The following FAXDC2 variants were observed in gnomAD, a reference collection of about 807,000 sequenced individuals.
FAXDC2 encodes the protein fatty acid hydroxylase domain-containing protein 2.
A neutral mutation model predicts 40.9 loss-of-function variants in FAXDC2; 41 were observed. That is an observed-to-expected ratio of 1.00 (90% CI 0.78 to 1.30). The LOEUF (loss-of-function observed/expected upper bound fraction) is 1.30, where lower values mean the gene tolerates loss of function less well. Ranked by LOEUF, FAXDC2 falls within the 50% of genes most tolerant of loss-of-function variation. The pLI, the probability that FAXDC2 is intolerant of heterozygous loss-of-function variation, is 0.00. For missense variants in FAXDC2, 390 were observed against 408.8 expected (o/e 0.95, Z 0.40); for synonymous variants, 157 against 149.3 (o/e 1.05, Z -0.38).
At chr5:154,826,854 T>G (rs1760051231) in intron 5 of FAXDC2, among the ~76,000 whole-genome samples, 1 of 152,106 alleles carries the variant, frequency 6.6e-6, no homozygotes, top group Admixed American at 6.5e-5. Flanking sequence ...ATAGGAAAAA[T>G]GTATAGATGC....
Position 154,820,239 on chromosome 5 carries a change from A to G in FAXDC2, c.*77T>C. 7.8e-7 allele frequency: 1 copy of G among 1,288,328 alleles called. No homozygotes were observed. Among genetic ancestry groups the G allele is most frequent in the Non-Finnish European group, 1.1e-6 (1 of 932,384 alleles). 79.8% of individuals were successfully genotyped at this position (1,288,328 alleles called of 1,614,324 possible). A position where few individuals can be genotyped will look rare whatever the true frequency, so the allele number is the denominator to read the frequency against. On this transcript the variant is annotated 3_prime_UTR_variant, in exon 9 of 9. Coordinates refer to ENST00000326080, the MANE Select transcript of FAXDC2 (RefSeq NM_032385.5). The stretch of plus-strand genomic sequence containing the variant: ...TTAGGGCGTGTGGCCGAAGGAGGCA[A>G]ATTGTTAGGTGCAATCAGGAAGCCG...
intron 5 of FAXDC2, chr5:154,824,416 C>T: frequency 1.4e-6 from 1 of 690,848 alleles, no homozygotes; most frequent in Non-Finnish European, 2.6e-6. Flanking sequence ...GATTTCTGCC[C>T]CAAAGCGCGA....
At chr5:154,820,668 T>C (rs899234667) in intron 8 of FAXDC2, 196 bp from the exon 9 acceptor site, 4 of 487,770 alleles carry the variant, frequency 8.2e-6, no homozygotes, top group Non-Finnish European at 1.5e-5. Flanking sequence ...ACCTGCAATT[T>C]GCCGTATCTG....
intron 4 of FAXDC2, 39 bp downstream of exon 4, chr5:154,834,586 G>A (rs370048188): frequency 2.3e-6 from 3 of 1,294,550 alleles, no homozygotes; most frequent in Non-Finnish European, 3.4e-6. Context: ...TTATAATCAT[G>A]CACCCACATG....
chr5:154,838,045 G>A, intron 2 of FAXDC2, 86 bp downstream of exon 2: 1 of 872,472 alleles, frequency 1.1e-6, no homozygotes, highest in Non-Finnish European at 1.9e-6. Flanking sequence ...CCTTGGGGGA[G>A]ATGTTGGATG....
intron 6 of FAXDC2, among the ~76,000 whole-genome samples, chr5:154,823,152 C>T (rs1412885980): frequency 6.6e-6 from 1 of 152,180 alleles, no homozygotes; most frequent in Non-Finnish European, 1.5e-5. Context: ...GCTGGGACTA[C>T]AAGTACACAC....
rs897567580 is a variant in FAXDC2 at position 154,819,379 on chromosome 5, G to A, written c.*937C>T. 1 of 152,124 alleles carries A rather than the reference G, an allele frequency of 6.6e-6. No individual in the cohort carries two copies. The highest frequency in any genetic ancestry group is 2.4e-5 in the African/African-American group (1 of 41,430). The allele number at this position is 152,124 out of a possible 1,614,324, so 9.4% of individuals were successfully genotyped here. On this transcript the variant is annotated 3_prime_UTR_variant, in exon 9 of 9. Transcript: ENST00000326080. ...TGAGAAACTGGTAAAGCATTCGGGG[G>A]AGAAAGGATTTTGCTCTTTGCTCTG...
intron 4 of FAXDC2, among the ~76,000 whole-genome samples, chr5:154,831,530 G>A (rs1022507873): frequency 6.6e-5 from 10 of 151,832 alleles, no homozygotes; most frequent in African/African-American, 2.4e-4. Flanking sequence ...GCTCACTGTA[G>A]CCTCGACCTG....
intron 1 of FAXDC2, among the ~76,000 whole-genome samples, chr5:154,846,268 TAGTGTG>T (rs1242375949): frequency 2.9e-4 from 34 of 118,284 alleles, no homozygotes; most frequent in African/African-American, 1.0e-3. Context: ...GTGAACTAGA[TAGTGTG>T]TGTGTGTGTG....
At chr5:154,836,521 C>G (rs1449606392) in intron 2 of FAXDC2, among the ~76,000 whole-genome samples, 2 of 152,290 alleles carry the variant, frequency 1.3e-5, no homozygotes, top group Middle Eastern at 3.4e-3. Context: ...CATATTCTTT[C>G]ATAGGAAAGA....
chr5:154,834,916 A>C lies in FAXDC2; in HGVS notation c.67T>G (p.Ser23Ala). Reference sequence around the variant, plus strand: ...AGGATGAAAGCTGTCCTCCTCATAGAGCCCCAGATGTGTCCCTCCTGGAGG... The same window carrying C: ...AGGATGAAAGCTGTCCTCCTCATAGCGCCCCAGATGTGTCCCTCCTGGAGG... The part of the protein sequence containing the change: ...KSKQEGHIWG[S>A]MRRTAFILGS... Residue 23 changes from serine (S) to alanine (A), a missense_variant, in exon 3 of 9, where the codon TCT (serine) becomes GCT (alanine). Coordinates refer to ENST00000326080, the MANE Select transcript of FAXDC2 (RefSeq NM_032385.5). The C allele has an allele frequency of 6.2e-7, 1 of 1,602,586 alleles. No homozygotes were observed. Among genetic ancestry groups the C allele is most frequent in the Non-Finnish European group, 8.5e-7 (1 of 1,173,784 alleles).
intron 4 of FAXDC2, among the ~76,000 whole-genome samples, chr5:154,833,784 C>G (rs1372334320): frequency 6.6e-6 from 1 of 152,032 alleles, no homozygotes; most frequent in South Asian, 2.1e-4. Context: ...CTCCCTGCCT[C>G]AGCCTCCCAA....
At position 154,821,259 on chromosome 5, in the gene FAXDC2, C is replaced by T. The variant is rs1263985968; in HGVS notation, c.845+1G>A. On this transcript the variant is annotated splice_donor_variant, in intron 8 of 8. Transcript: ENST00000326080. LOFTEE classifies it high-confidence loss of function. Reference sequence around the variant, plus strand: ...ACCCATTGTGGGGAGAAGGTCCTTACTTGAGATGGTGGTAGTCGTGGAATT... The same window carrying T: ...ACCCATTGTGGGGAGAAGGTCCTTATTTGAGATGGTGGTAGTCGTGGAATT... 1.2e-6 allele frequency: 2 copies of T among 1,610,952 alleles called. No individual in the cohort carries two copies. The highest frequency in any genetic ancestry group is 1.7e-6 in the Non-Finnish European group (2 of 1,178,558).
chr5:154,822,590 T>A lies in FAXDC2; in HGVS notation c.573-13A>T, dbSNP rs374614677. On this transcript the variant is annotated splice_polypyrimidine_tract_variant and intron_variant, in intron 6 of 8. Transcript: ENST00000326080. ...GTGGTGAAGGAGCCTGGGGAAATAG[T>A]TAATAGTTAATAACCTGCTGATTCC... 6.3e-7 allele frequency: 1 copy of A among 1,592,116 alleles called. No individual in the cohort carries two copies. Among genetic ancestry groups the A allele is most frequent in the Non-Finnish European group, 8.6e-7 (1 of 1,159,988 alleles).
At chr5:154,821,514 G>A (rs1759889535) in intron 7 of FAXDC2, 88 bp from the exon 8 acceptor site, 4 of 1,062,124 alleles carry the variant, frequency 3.8e-6, no homozygotes, top group African/African-American at 1.7e-5. Context: ...TGGTACCAGA[G>A]GCAAACTTCC....
intron 1 of FAXDC2, among the ~76,000 whole-genome samples, chr5:154,849,937 G>GT: frequency 6.6e-6 from 1 of 152,298 alleles, no homozygotes; most frequent in South Asian, 2.1e-4. Flanking sequence ...GTAAATCCAA[G>GT]TATGTTGCAT....
intron 4 of FAXDC2, chr5:154,831,369 CCTA>C (rs1760184845): frequency 6.4e-6 from 1 of 155,144 alleles, no homozygotes; most frequent in African/African-American, 2.4e-5. Flanking sequence ...TCCCTGTCAT[CCTA>C]CTAACTGAGC....
chr5:154,842,812 G>A (rs1229790119), intron 1 of FAXDC2, among the ~76,000 whole-genome samples: 2 of 151,174 alleles, frequency 1.3e-5, no homozygotes, highest in South Asian at 2.1e-4. Flanking sequence ...TTACAGGTGT[G>A]AGCCACTGCA....
In FAXDC2 at chr5:154,850,533, C is replaced by CT. The variant is rs934606379; in HGVS notation, c.-52dup. On this transcript the variant is annotated 5_prime_UTR_variant, in exon 1 of 9. Transcript: ENST00000326080. ...GCTGAGGTCCTTGCACAGGTCAAAT[C>CT]TAAGTTCTCTTCCCTTTCAGCCCCC... The CT allele has an allele frequency of 3.3e-5, 5 of 152,286 alleles. No homozygotes were observed. Among genetic ancestry groups the CT allele is most frequent in the Admixed American group, 1.3e-4 (2 of 15,264 alleles). 9.4% of individuals were successfully genotyped at this position (152,286 alleles called of 1,614,324 possible). A position where few individuals can be genotyped will look rare whatever the true frequency, so the allele number is the denominator to read the frequency against.
Sources: gnomAD v4.1 joint callset for allele counts (sites outside exome capture counted in the v4.1 genomes callset) on GRCh38, gnomAD v4.1.1 for gene constraint, MANE v1.5 for transcripts, NCBI Gene and HGNC (gene_info 2026-07-23, HGNC 2026-07-21) for gene names.